The following TMEM266 variants were observed in gnomAD, a reference collection of about 807,000 sequenced individuals.
The protein encoded by TMEM266 is Hv1 related protein 1.
A neutral mutation model predicts 50.5 loss-of-function variants in TMEM266; 33 were observed. The ratio of observed to expected loss-of-function variants is 0.65; its 90% CI spans 0.50 to 0.87. TMEM266 has a LOEUF of 0.87. TMEM266 is among the 40% of genes least tolerant of loss of function. The probability of loss-of-function intolerance (pLI) is 0.00; values close to 1 mark genes in which losing one functional copy is unlikely to be tolerated. For missense variants in TMEM266, 655 were observed against 695.1 expected (o/e 0.94, Z 0.65); for synonymous variants, 310 against 292.3 (o/e 1.06, Z -0.62).
At chr15:76,188,093 C>T (rs1248395307) in intron 8 of TMEM266, among the ~76,000 whole-genome samples, 1 of 152,034 alleles carries the variant, frequency 6.6e-6, no homozygotes, top group South Asian at 2.1e-4. Context: ...CCCCCCACCC[C>T]GCCCCACTGG....
At chr15:76,117,087 C>T (rs1419310842) in intron 1 of TMEM266, among the ~76,000 whole-genome samples, 1 of 151,840 alleles carries the variant, frequency 6.6e-6, no homozygotes, top group East Asian at 1.9e-4. Context: ...TTAGCAGAGA[C>T]AGCATTTCTT....
intron 1 of TMEM266, among the ~76,000 whole-genome samples, chr15:76,132,517 G>A (rs925701518): frequency 3.9e-5 from 6 of 151,966 alleles, no homozygotes; most frequent in African/African-American, 1.4e-4. Context: ...TATTATGGGC[G>A]GGGCACAGTG....
At chr15:76,172,551 G>C (rs773178547) in intron 7 of TMEM266, among the ~76,000 whole-genome samples, 8 of 152,184 alleles carry the variant, frequency 5.3e-5, no homozygotes, top group Non-Finnish European at 1.0e-4. Flanking sequence ...TGTGGGATTT[G>C]GTCCTGATGA....
intron 1 of TMEM266, among the ~76,000 whole-genome samples, chr15:76,068,218 C>T (rs2036469763): frequency 6.6e-6 from 1 of 152,216 alleles, no homozygotes; most frequent in African/African-American, 2.4e-5. Flanking sequence ...AAGGCCCCAA[C>T]TTTGGGAGAG....
intron 5 of TMEM266, among the ~76,000 whole-genome samples, chr15:76,163,315 C>T (rs987759809): frequency 6.6e-6 from 1 of 152,184 alleles, no homozygotes; most frequent in Admixed American, 6.5e-5. Context: ...GTTTGGGCTC[C>T]GTTTGAGGAC....
chr15:76,155,036 T>C (rs987472010), intron 3 of TMEM266, among the ~76,000 whole-genome samples: 1 of 152,264 alleles, frequency 6.6e-6, no homozygotes, highest in African/African-American at 2.4e-5. Flanking sequence ...AGCTGCATTG[T>C]CTTTACAGGG....
intron 1 of TMEM266, chr15:76,109,062 C>T (rs1285363829): frequency 6.6e-6 from 1 of 152,158 alleles, no homozygotes; most frequent in African/African-American, 2.4e-5. Flanking sequence ...AAGCACATTA[C>T]CTGGGACCGG....
intron 8 of TMEM266, among the ~76,000 whole-genome samples, chr15:76,180,362 G>A (rs921164506): frequency 5.3e-5 from 8 of 152,072 alleles, no homozygotes; most frequent in Admixed American, 3.9e-4. Flanking sequence ...AGCACTGGTC[G>A]GGTGTTTTTG....
chr15:76,099,584 G>T (rs1040940962), intron 1 of TMEM266, among the ~76,000 whole-genome samples: 3 of 152,320 alleles, frequency 2.0e-5, no homozygotes, highest in Admixed American at 6.5e-5. Context: ...GGAAACTGAG[G>T]TGTGAAGAGG....
chr15:76,094,617 A>G (rs1324928473), intron 1 of TMEM266, among the ~76,000 whole-genome samples: 1 of 151,994 alleles, frequency 6.6e-6, no homozygotes, highest in Admixed American at 6.6e-5. Context: ...TTGGTTCCAT[A>G]TGATTTTTAA....
At position 76,166,948 on chromosome 15, in the gene TMEM266, T is replaced by C. The variant is rs2038106246; in HGVS notation, c.457-2868T>C. The stretch of plus-strand genomic sequence containing the variant: ...AAGATGGTGTGTTTTGTGTTATGTG[T>C]ATTTTACCACCATTTTAAAAGGAGA... On this transcript the variant is annotated intron_variant, in intron 5 of 10. Coordinates refer to ENST00000388942, the MANE Select transcript of TMEM266 (RefSeq NM_152335.3). 2.6e-5 allele frequency among the ~76,000 whole-genome samples: 4 copies of C among 152,292 alleles called. No individual in the cohort carries two copies. In the South Asian group the frequency reaches 6.2e-4, roughly 24 times the overall value.
At chr15:76,158,556 G>C (rs1054061170) in intron 4 of TMEM266, among the ~76,000 whole-genome samples, 4 of 152,204 alleles carry the variant, frequency 2.6e-5, no homozygotes, top group African/African-American at 9.7e-5. Context: ...TTAAAATTAA[G>C]TATCCAGGAG....
chr15:76,134,386 C>A, intron 2 of TMEM266, 85 bp downstream of exon 2: 2 of 1,425,718 alleles, frequency 1.4e-6, no homozygotes, highest in Non-Finnish European at 2.0e-6. Context: ...ATTTAGGCAG[C>A]CACTATGTAC....
At chr15:76,082,269 A>G (rs1189169617) in intron 1 of TMEM266, among the ~76,000 whole-genome samples, 5 of 152,198 alleles carry the variant, frequency 3.3e-5, no homozygotes, top group African/African-American at 1.2e-4. Context: ...CTATAAGGGA[A>G]TACCTGAGAC....
intron 1 of TMEM266, among the ~76,000 whole-genome samples, chr15:76,117,428 C>T (rs1026124018): frequency 5.9e-5 from 9 of 151,970 alleles, no homozygotes; most frequent in Non-Finnish European, 1.3e-4. Context: ...AACTGGGCTC[C>T]GACTAAGAGA....
intron 3 of TMEM266, among the ~76,000 whole-genome samples, chr15:76,149,700 C>T (rs1315746325): frequency 1.3e-5 from 2 of 152,196 alleles, no homozygotes; most frequent in East Asian, 1.9e-4. Flanking sequence ...TTGCCAGCAA[C>T]AGCCAAACAG....
At chr15:76,149,098 A>G (rs2037799456) in intron 3 of TMEM266, among the ~76,000 whole-genome samples, 2 of 152,150 alleles carry the variant, frequency 1.3e-5, no homozygotes, top group Admixed American at 1.3e-4. Flanking sequence ...GAAGCTTAAC[A>G]GTGTTTTTCC....
chr15:76,088,687 C>T lies in TMEM266; in HGVS notation c.-97+28671C>T, dbSNP rs574685678. On this transcript the variant is annotated intron_variant, in intron 1 of 10. Coordinates refer to ENST00000388942, the MANE Select transcript of TMEM266 (RefSeq NM_152335.3). ...TGGCAGGCGCCTGTAGTCCCAGCTA[C>T]TCGGGAGGCTGAGGCAGGAGAATGG... Among the ~76,000 whole-genome samples, 367 of 151,880 alleles carry T rather than the reference C, an allele frequency of 2.4e-3. 15 individuals are homozygous for T. In the South Asian group the frequency reaches 0.069, roughly 29 times the overall value.
At chr15:76,084,044 C>T (rs996687014) in intron 1 of TMEM266, among the ~76,000 whole-genome samples, 1 of 152,090 alleles carries the variant, frequency 6.6e-6, no homozygotes. Flanking sequence ...TGTGGTCGCT[C>T]ATTACAGGAA....
Sources: gnomAD v4.1 joint callset for allele counts (sites outside exome capture counted in the v4.1 genomes callset) on GRCh38, gnomAD v4.1.1 for gene constraint, MANE v1.5 for transcripts, NCBI Gene and HGNC (gene_info 2026-07-23, HGNC 2026-07-21) for gene names.